The following UBR1 variants were observed in gnomAD, a reference collection of about 807,000 sequenced individuals.
The protein encoded by UBR1 is E3 ubiquitin-protein ligase UBR1.
In UBR1, 102 loss-of-function variants were observed where a neutral mutation model predicts 242.1. The observed-to-expected ratio is 0.42, with a 90% CI of 0.36 to 0.50. UBR1 has a LOEUF of 0.50. Among genes scored for constraint, UBR1 ranks in the 20% least tolerant of loss-of-function variants. The pLI, the probability that UBR1 is intolerant of heterozygous loss-of-function variation, is 0.01. For synonymous variants in UBR1, 675 were observed against 684.8 expected (o/e 0.99, Z 0.22); for missense variants, 1,772 against 2,101.8 (o/e 0.84, Z 3.07).
intron 27 of UBR1, among the ~76,000 whole-genome samples, chr15:43,020,868 G>C (rs1016287686): frequency 6.6e-6 from 1 of 152,186 alleles, no homozygotes. Context: ...CGTGTTTTGA[G>C]AGAGGCCTTC....
intron 15 of UBR1, among the ~76,000 whole-genome samples, chr15:43,042,120 T>C (rs1325066456): frequency 6.6e-6 from 1 of 152,102 alleles, no homozygotes; most frequent in African/African-American, 2.4e-5. Flanking sequence ...GAAAACACTA[T>C]GATGGTTCCT....
At chr15:42,967,838 T>C (rs1258979736) in intron 40 of UBR1, among the ~76,000 whole-genome samples, 1 of 151,670 alleles carries the variant, frequency 6.6e-6, no homozygotes, top group Non-Finnish European at 1.5e-5. Flanking sequence ...TGAGGGGAAC[T>C]TGGCAGCAGA....
At chr15:42,975,518 G>A (rs2032275332) in intron 39 of UBR1, among the ~76,000 whole-genome samples, 1 of 151,982 alleles carries the variant, frequency 6.6e-6, no homozygotes, top group Non-Finnish European at 1.5e-5. Context: ...TGCTGGTAAA[G>A]CTTTGGGATA....
At chr15:43,038,865 T>C (rs914636496) in intron 15 of UBR1, among the ~76,000 whole-genome samples, 10 of 152,174 alleles carry the variant, frequency 6.6e-5, no homozygotes, top group Non-Finnish European at 1.0e-4. Context: ...ATTAAAAAGG[T>C]ACTTTTAACA....
At chr15:43,054,161 C>T (rs2033589202) in intron 12 of UBR1, among the ~76,000 whole-genome samples, 1 of 151,170 alleles carries the variant, frequency 6.6e-6, no homozygotes, top group Non-Finnish European at 1.5e-5. Flanking sequence ...TCAGCCTGGG[C>T]AACAAAAAGT....
chr15:43,091,906 CAAAAAAAAAAAAAAAAA>C (rs58586323), intron 1 of UBR1: 20 of 180,320 alleles, frequency 1.1e-4, no homozygotes, highest in South Asian at 4.6e-4. Context: ...TACACCATCT[CAAAAAAAAAAAAAAAAA>C]AAAAAAAAAA....
chr15:43,045,390 C>T (rs1410649190), intron 14 of UBR1, among the ~76,000 whole-genome samples: 1 of 152,030 alleles, frequency 6.6e-6, no homozygotes, highest in Non-Finnish European at 1.5e-5. Context: ...TCATGTGAGG[C>T]CAGGAGGTCA....
intron 3 of UBR1, among the ~76,000 whole-genome samples, chr15:43,077,871 G>T (rs1268941256): frequency 6.6e-6 from 1 of 152,016 alleles, no homozygotes; most frequent in African/African-American, 2.4e-5. Context: ...ACCTGATTTT[G>T]AATCTTCCTC....
chr15:43,034,058 T>C (rs2033294217), intron 19 of UBR1, among the ~76,000 whole-genome samples: 1 of 151,784 alleles, frequency 6.6e-6, no homozygotes, highest in African/African-American at 2.4e-5. Flanking sequence ...GCCAACATGG[T>C]GAAACCCCGT....
Position 42,972,956 on chromosome 15 carries a change from C to G in UBR1, c.4370-2349G>C, listed in dbSNP as rs139320442. On this transcript the variant is annotated intron_variant, in intron 39 of 46. Transcript: ENST00000290650. ...CCAAAGTGACTGTACCTTTTGCATCCCCATCAACAACAAATGAGAGTTCCT... is the reference window on the plus strand; with the variant it reads ...CCAAAGTGACTGTACCTTTTGCATCGCCATCAACAACAAATGAGAGTTCCT... Among the ~76,000 whole-genome samples the G allele has an allele frequency of 2.5e-4, 38 of 152,212 alleles. 1 individual carries two copies. In the East Asian group the frequency reaches 7.1e-3, roughly 29 times the overall value.
chr15:42,964,457 G>A (rs967460072), intron 41 of UBR1, among the ~76,000 whole-genome samples: 4 of 151,410 alleles, frequency 2.6e-5, no homozygotes, highest in Admixed American at 6.6e-5. Flanking sequence ...CAACAAGAGC[G>A]AAACTCCGTC....
At chr15:43,034,669 C>T (rs563484167) in intron 19 of UBR1, among the ~76,000 whole-genome samples, 2 of 151,676 alleles carry the variant, frequency 1.3e-5, no homozygotes, top group Non-Finnish European at 2.9e-5. Context: ...GCAGATCACC[C>T]GAGGTCAGAA....
At chr15:42,969,869 C>T (rs2032174670) in intron 40 of UBR1, among the ~76,000 whole-genome samples, 1 of 152,296 alleles carries the variant, frequency 6.6e-6, no homozygotes, top group Admixed American at 6.5e-5. Context: ...GAAAAACATT[C>T]CATGTTCACA....
chr15:43,065,400 G>A (rs891773042), intron 6 of UBR1, among the ~76,000 whole-genome samples: 45 of 151,956 alleles, frequency 3.0e-4, no homozygotes, highest in African/African-American at 1.1e-3. Context: ...TACATGGGCA[G>A]GTTTTTTACA....
chr15:43,031,552 A>G (rs1424987468), intron 20 of UBR1, among the ~76,000 whole-genome samples: 1 of 152,226 alleles, frequency 6.6e-6, no homozygotes, highest in African/African-American at 2.4e-5. Flanking sequence ...GGCTTACTAC[A>G]CTTTCTGCTG....
Position 43,090,198 on chromosome 15 carries a change from A to T in UBR1, c.82-3958T>A, listed in dbSNP as rs554031890. On this transcript the variant is annotated intron_variant, in intron 1 of 46. Coordinates refer to ENST00000290650, the MANE Select transcript of UBR1 (RefSeq NM_174916.3). Reference sequence around the variant, plus strand: ...CTAATATGGAAAGGCATTAATAACAAACAGTTCAGTAAAGTAGGTTACAAA... The same window carrying T: ...CTAATATGGAAAGGCATTAATAACATACAGTTCAGTAAAGTAGGTTACAAA... Among the ~76,000 whole-genome samples, 11 of 152,326 alleles carry T rather than the reference A, an allele frequency of 7.2e-5. No homozygotes were observed. The East Asian group carries it at 1.3e-3, about 19-fold the overall frequency.
intron 1 of UBR1, among the ~76,000 whole-genome samples, chr15:43,093,155 C>A (rs1442906647): frequency 6.6e-6 from 1 of 152,176 alleles, no homozygotes; most frequent in Non-Finnish European, 1.5e-5. Context: ...AAACATTTCC[C>A]TCATCCCCAA....
chr15:42,962,876 A>AC (rs2032046283), intron 42 of UBR1, among the ~76,000 whole-genome samples: 1 of 152,186 alleles, frequency 6.6e-6, no homozygotes, highest in Non-Finnish European at 1.5e-5. Context: ...AAGTCAGCTG[A>AC]CAAGGTAGAC....
intron 1 of UBR1, among the ~76,000 whole-genome samples, chr15:43,087,219 C>T (rs558346561): frequency 7.0e-4 from 106 of 152,134 alleles, no homozygotes; most frequent in African/African-American, 2.5e-3. Context: ...CCCTGGCTAA[C>T]ACAGTGAAAC....
Sources: allele counts gnomAD v4.1 joint callset (sites outside exome capture counted in the v4.1 genomes callset), GRCh38; gene constraint gnomAD v4.1.1; transcripts MANE v1.5; gene names NCBI Gene and HGNC (gene_info 2026-07-23, HGNC 2026-07-21).